Variants in MAD1L1 observed in about 807,000 individuals in gnomAD.
The protein encoded by MAD1L1 is mitotic arrest deficient 1 like 1.
Under a neutral mutation model 96.9 loss-of-function variants are expected in MAD1L1, and 95 were observed. The observed-to-expected ratio is 0.98, with a 90% confidence interval of 0.83 to 1.16. The LOEUF (loss-of-function observed/expected upper bound fraction) is 1.16. MAD1L1 is among the 50% of genes most tolerant of loss of function. The pLI, the probability that MAD1L1 is intolerant of heterozygous loss-of-function variation, is 0.00. For missense variants in MAD1L1, 1,007 were observed against 954.4 expected (o/e 1.06, Z -0.73); for synonymous variants, 473 against 396.6 (o/e 1.19, Z -2.29).
intron 12 of MAD1L1, among the ~76,000 whole-genome samples, chr7:2,047,455 T>A (rs1211345056): frequency 6.6e-6 from 1 of 152,188 alleles, no homozygotes; most frequent in Non-Finnish European, 1.5e-5. Flanking sequence ...CATCTGACTG[T>A]TTTCCATTTG....
chr7:2,163,348 T>C (rs1031788299), intron 10 of MAD1L1, among the ~76,000 whole-genome samples: 1 of 152,136 alleles, frequency 6.6e-6, no homozygotes, highest in Non-Finnish European at 1.5e-5. Flanking sequence ...TTCTTGAGAA[T>C]GGGCACACAG....
intron 12 of MAD1L1, among the ~76,000 whole-genome samples, chr7:2,022,893 G>C (rs961678980): frequency 6.6e-6 from 1 of 152,142 alleles, no homozygotes; most frequent in Admixed American, 6.5e-5. Context: ...AAGAACGGTG[G>C]AGCAGCTTGA....
intron 11 of MAD1L1, among the ~76,000 whole-genome samples, chr7:2,094,659 G>C (rs189805786): frequency 4.6e-4 from 70 of 152,250 alleles, no homozygotes; most frequent in Admixed American, 4.5e-3. Context: ...CAGGAGCGGG[G>C]CTGGCAGGTG....
chr7:2,113,452 C>T (rs1225764346), intron 11 of MAD1L1, among the ~76,000 whole-genome samples: 2 of 152,032 alleles, frequency 1.3e-5, no homozygotes, highest in Non-Finnish European at 2.9e-5. Flanking sequence ...TGGTGGCAGG[C>T]GCCTGTGGTC....
chr7:2,149,015 C>G, intron 11 of MAD1L1, 137 bp downstream of exon 11: 1 of 721,718 alleles, frequency 1.4e-6, no homozygotes, highest in South Asian at 1.6e-5. Context: ...CCTGCTCCCC[C>G]ATCTCCTCCC....
intron 11 of MAD1L1, among the ~76,000 whole-genome samples, chr7:2,127,545 C>T (rs1163403237): frequency 1.3e-5 from 2 of 152,120 alleles, no homozygotes; most frequent in Admixed American, 1.3e-4. Context: ...AAGGTCCAGA[C>T]GTCAGGAACC....
intron 13 of MAD1L1, among the ~76,000 whole-genome samples, chr7:2,005,079 G>A (rs1018229265): frequency 2.6e-5 from 4 of 152,186 alleles, no homozygotes; most frequent in African/African-American, 7.2e-5. Flanking sequence ...CCAGGAGGAC[G>A]ACCGCACGTC....
At position 2,103,391 on chromosome 7, in the gene MAD1L1, C is replaced by T. The variant is rs559018153; in HGVS notation, c.1074-34053G>A. ...AGACGGCACATGGGACATCGCCATG[C>T]CTAGTGATGACGTTTCTGTTTGGAA... On this transcript the variant is annotated intron_variant, in intron 11 of 18. Transcript: ENST00000265854. The surrounding 1 kb of genome is among the most constrained non-coding windows in gnomAD (Gnocchi z 4.3). Among the ~76,000 whole-genome samples the T allele has an allele frequency of 1.3e-5, 2 of 152,282 alleles. No individual in the cohort carries two copies. Among genetic ancestry groups the T allele is most frequent in the African/African-American group, 4.8e-5 (2 of 41,564 alleles).
At chr7:1,938,256 C>G (rs1260408699) in intron 16 of MAD1L1, among the ~76,000 whole-genome samples, 1 of 150,920 alleles carries the variant, frequency 6.6e-6, no homozygotes, top group African/African-American at 2.4e-5. Context: ...TCACGCCACA[C>G]ACAAACAACA....
rs565507493 is a variant in MAD1L1 at position 2,206,745 on chromosome 7, T to C, written c.986+6467A>G. Among the ~76,000 whole-genome samples the C allele has an allele frequency of 3.3e-4, 50 of 152,374 alleles. 3 individuals are homozygous for C. The highest frequency in any genetic ancestry group is 2.6e-3 in the Admixed American group (40 of 15,302). On this transcript the variant is annotated intron_variant, in intron 10 of 18. Transcript: ENST00000265854. ...AACTTGTTCTTTTTTGAAACTGTTA[T>C]GGCTATAACAATTTATAGGTACTTT... is the stretch of plus-strand genomic sequence containing the variant.
rs569805979 is a variant in MAD1L1, at chr7:2,031,414, C to G, written c.1219-16772G>C. Among the ~76,000 whole-genome samples, 617 of 152,354 alleles carry G rather than the reference C, an allele frequency of 4.0e-3. 6 individuals carry two copies. Among genetic ancestry groups the G allele is most frequent in the African/African-American group, 0.014 (583 of 41,578 alleles). On this transcript the variant is annotated intron_variant, in intron 12 of 18. Coordinates refer to ENST00000265854, the MANE Select transcript of MAD1L1 (RefSeq NM_001013836.2). ...AGCCTGGTTTTTACAATTTCAACCT[C>G]TGATAAAAAGCTCTACAACACCTAT...
At chr7:1,912,775 C>T (rs558765164) in intron 17 of MAD1L1, among the ~76,000 whole-genome samples, 3 of 152,220 alleles carry the variant, frequency 2.0e-5, no homozygotes, top group Non-Finnish European at 2.9e-5. Context: ...ATATCACAGC[C>T]GAGTCAAGAC....
intron 12 of MAD1L1, among the ~76,000 whole-genome samples, chr7:2,018,418 C>T (rs1782638445): frequency 1.3e-5 from 2 of 152,208 alleles, no homozygotes; most frequent in Admixed American, 1.3e-4. Context: ...CCTGGTTCTT[C>T]CACTATGACT....
chr7:1,896,447 G>T (rs1331280718), intron 18 of MAD1L1, among the ~76,000 whole-genome samples: 1 of 152,234 alleles, frequency 6.6e-6, no homozygotes. Context: ...GCAGGGCTGC[G>T]CTTCAGAAGC....
At chr7:1,934,918 C>CA (rs1345653787) in intron 17 of MAD1L1, among the ~76,000 whole-genome samples, 2 of 151,056 alleles carry the variant, frequency 1.3e-5, no homozygotes, top group African/African-American at 4.9e-5. Context: ...AACAGGGGGA[C>CA]AAACAGACGG....
chr7:2,061,039 CA>C (rs1470598978), intron 12 of MAD1L1, among the ~76,000 whole-genome samples: 1 of 152,190 alleles, frequency 6.6e-6, no homozygotes, highest in Non-Finnish European at 1.5e-5. Context: ...ACAAGGCAAA[CA>C]ATCATTTAAA....
At chr7:1,868,486 A>G (rs1276954221) in intron 18 of MAD1L1, among the ~76,000 whole-genome samples, 4 of 78,252 alleles carry the variant, frequency 5.1e-5, no homozygotes, top group African/African-American at 1.9e-4. Flanking sequence ...CACCCACCCC[A>G]CCCCACGGAT....
intron 10 of MAD1L1, among the ~76,000 whole-genome samples, chr7:2,171,437 C>T (rs944850019): frequency 4.6e-5 from 7 of 152,234 alleles, no homozygotes; most frequent in Admixed American, 3.9e-4. Context: ...TGGCGGATTA[C>T]AGCAGGGCCA....
chr7:2,060,348 G>A (rs896240465), intron 12 of MAD1L1, among the ~76,000 whole-genome samples: 8 of 147,476 alleles, frequency 5.4e-5, no homozygotes, highest in East Asian at 2.0e-4. Flanking sequence ...CCAAGATGTC[G>A]AGATATGCTG....
Sources: gnomAD v4.1 joint callset for allele counts (sites outside exome capture counted in the v4.1 genomes callset) on GRCh38, gnomAD v4.1.1 for gene constraint, Gnocchi (gnomAD v3.1) non-coding constraint, MANE v1.5 for transcripts, NCBI Gene and HGNC (gene_info 2026-07-23, HGNC 2026-07-21) for gene names.